Variants in ARMH3 observed in about 807,000 individuals in gnomAD.
ARMH3 encodes the protein armadillo like helical domain containing 3, also known as armadillo-like helical domain-containing protein 3.
In ARMH3, 60 loss-of-function variants were observed where a neutral mutation model predicts 99.1. The observed-to-expected ratio is 0.61, with a 90% CI of 0.49 to 0.75. The LOEUF (loss-of-function observed/expected upper bound fraction) is 0.75, where lower values mean the gene tolerates loss of function less well. ARMH3 is among the 30% of genes least tolerant of loss of function. ARMH3 has a pLI of 0.00. For missense variants in ARMH3, 679 were observed against 843.1 expected (o/e 0.81, Z 2.41); for synonymous variants, 285 against 292.8 (o/e 0.97, Z 0.27).
At chr10:101,930,903 T>C (rs1393681432) in intron 23 of ARMH3, among the ~76,000 whole-genome samples, 19 of 152,240 alleles carry the variant, frequency 1.2e-4, no homozygotes, top group Admixed American at 1.2e-3. Context: ...TTATATATAT[T>C]GTCATTTAGT....
intron 8 of ARMH3, among the ~76,000 whole-genome samples, chr10:102,020,988 A>G (rs1257629610): frequency 2.6e-5 from 4 of 152,092 alleles, no homozygotes; most frequent in African/African-American, 9.7e-5. Context: ...ATTCAGGTGT[A>G]TGATTTTTTT....
chr10:102,050,801 G>A (rs1162042832), intron 1 of ARMH3, among the ~76,000 whole-genome samples: 1 of 149,258 alleles, frequency 6.7e-6, no homozygotes, highest in Non-Finnish European at 1.5e-5. Context: ...AGGTTGCGCT[G>A]AGCTGAGATC....
intron 19 of ARMH3, among the ~76,000 whole-genome samples, chr10:101,978,045 A>T (rs1398958842): frequency 6.6e-6 from 1 of 152,164 alleles, no homozygotes; most frequent in Non-Finnish European, 1.5e-5. Context: ...CCATCTCCCA[A>T]AAAAGGGGAA....
chr10:101,915,629 A>G (rs1377032453), intron 23 of ARMH3, among the ~76,000 whole-genome samples: 1 of 152,064 alleles, frequency 6.6e-6, no homozygotes, highest in East Asian at 1.9e-4. Context: ...TGTCTGCAAT[A>G]GTTTAGCATT....
chr10:101,968,193 A>G (rs1164748734), intron 20 of ARMH3, among the ~76,000 whole-genome samples: 3 of 152,134 alleles, frequency 2.0e-5, no homozygotes, highest in Non-Finnish European at 4.4e-5. Flanking sequence ...TGGGAAATGT[A>G]GGGTCCCTGT....
chr10:101,990,749 C>T (rs1157360876), intron 18 of ARMH3, 138 bp from the exon 19 acceptor site: 2 of 669,026 alleles, frequency 3.0e-6, no homozygotes, highest in Non-Finnish European at 5.4e-6. Context: ...TTCATATACA[C>T]TTATTTTATA....
Position 101,970,029 on chromosome 10 carries a change from C to T in ARMH3, c.1495+5183G>A, listed in dbSNP as rs527886494. 3.9e-4 allele frequency among the ~76,000 whole-genome samples: 59 copies of T among 152,268 alleles called. No individual in the cohort carries two copies. The South Asian group carries it at 3.9e-3, about 10-fold the overall frequency. On this transcript the variant is annotated intron_variant, in intron 20 of 25. Transcript: ENST00000370033. The stretch of plus-strand genomic sequence containing the variant: ...CTTTAAAACAACCCATGTTTTCAGA[C>T]GATGGAAAGTCATACTATTTAAATG...
chr10:101,860,746 A>C (rs1172057142), intron 24 of ARMH3, among the ~76,000 whole-genome samples: 1 of 152,230 alleles, frequency 6.6e-6, no homozygotes, highest in Admixed American at 6.5e-5. Context: ...CAGAATGAAG[A>C]GTACCTGTTG....
At chr10:101,942,508 T>C (rs2135726385) in intron 22 of ARMH3, among the ~76,000 whole-genome samples, 1 of 152,306 alleles carries the variant, frequency 6.6e-6, no homozygotes, top group East Asian at 1.9e-4. Flanking sequence ...TGGAAGTCCT[T>C]CCCATACAGT....
At chr10:102,051,955 C>T (rs2067717381) in intron 1 of ARMH3, among the ~76,000 whole-genome samples, 1 of 152,122 alleles carries the variant, frequency 6.6e-6, no homozygotes, top group African/African-American at 2.4e-5. Context: ...GGAACCAGCT[C>T]CAAATTGACA....
intron 22 of ARMH3, 78 bp downstream of exon 22, chr10:101,956,519 C>A (rs758897000): frequency 1.7e-5 from 26 of 1,534,234 alleles, no homozygotes; most frequent in Non-Finnish European, 2.3e-5. Context: ...AGAGGAGAAT[C>A]TTTCGTAGTC....
chr10:101,956,978 C>T (rs563171821), intron 21 of ARMH3, among the ~76,000 whole-genome samples: 4 of 152,206 alleles, frequency 2.6e-5, no homozygotes, highest in African/African-American at 4.8e-5. Flanking sequence ...CTACCTTTTA[C>T]TAACCTATGC....
chr10:101,976,912 C>T (rs999368433), intron 19 of ARMH3, among the ~76,000 whole-genome samples: 5 of 152,126 alleles, frequency 3.3e-5, no homozygotes, highest in African/African-American at 1.2e-4. Context: ...CTTGACCTCC[C>T]CAAGTTCTGG....
At chr10:101,867,946 C>T (rs1213327588) in intron 24 of ARMH3, among the ~76,000 whole-genome samples, 1 of 149,842 alleles carries the variant, frequency 6.7e-6, no homozygotes, top group East Asian at 1.9e-4. Flanking sequence ...TGAGATCAGG[C>T]TGGGCAACAT....
chr10:101,976,227 C>G (rs1382389316), intron 19 of ARMH3, among the ~76,000 whole-genome samples: 1 of 146,760 alleles, frequency 6.8e-6, no homozygotes, highest in Non-Finnish European at 1.5e-5. Flanking sequence ...GTAGACCCAG[C>G]TACTCAGGAG....
intron 1 of ARMH3, among the ~76,000 whole-genome samples, chr10:102,048,162 T>C (rs1366899876): frequency 6.6e-6 from 1 of 152,176 alleles, no homozygotes; most frequent in African/African-American, 2.4e-5. Flanking sequence ...CTGCAGTCTC[T>C]AAAAAGGGCG....
chr10:101,921,890 G>A (rs1843321500), intron 23 of ARMH3, among the ~76,000 whole-genome samples: 1 of 152,196 alleles, frequency 6.6e-6, no homozygotes, highest in Non-Finnish European at 1.5e-5. Context: ...CATATAGTTA[G>A]ATAGAAGGAA....
At chr10:101,920,442 G>A (rs2135594984) in intron 23 of ARMH3, among the ~76,000 whole-genome samples, 1 of 152,234 alleles carries the variant, frequency 6.6e-6, no homozygotes, top group East Asian at 1.9e-4. Context: ...GAAATAAGAT[G>A]AAGAATGGCA....
intron 20 of ARMH3, among the ~76,000 whole-genome samples, chr10:101,964,843 A>G (rs951556007): frequency 2.0e-5 from 3 of 148,202 alleles, no homozygotes; most frequent in Admixed American, 6.7e-5. Flanking sequence ...CCCCGTCTTT[A>G]CCAAAAAAAA....
Sources: allele counts gnomAD v4.1 joint callset (sites outside exome capture counted in the v4.1 genomes callset), GRCh38; gene constraint gnomAD v4.1.1; transcripts MANE v1.5; gene names NCBI Gene and HGNC (gene_info 2026-07-23, HGNC 2026-07-21).